Variants in PRDM15 observed in about 807,000 individuals in gnomAD.
The protein encoded by PRDM15 is PR/SET domain 15.
In PRDM15, 64 loss-of-function variants were observed where a neutral mutation model predicts 128.6. The ratio of observed to expected loss-of-function variants is 0.50; its 90% CI spans 0.41 to 0.61. PRDM15 has a LOEUF of 0.61. Among genes scored for constraint, PRDM15 ranks in the 20% least tolerant of loss-of-function variants. The probability of loss-of-function intolerance (pLI) is 0.00; values close to 1 mark genes in which losing one functional copy is unlikely to be tolerated. For synonymous variants in PRDM15, 615 were observed against 621.8 expected, an observed-to-expected ratio of 0.99 and a Z score of 0.16; for missense variants, 1,242 against 1,569.1, an observed-to-expected ratio of 0.79 and a Z score of 3.52.
At chr21:41,825,857 C>G (rs961701372) in intron 13 of PRDM15, 103 bp downstream of exon 13, 1 of 925,432 alleles carries the variant, frequency 1.1e-6, no homozygotes, top group Non-Finnish European at 1.7e-6. Context: ...CGTTACCCCC[C>G]AAATCTTCCC....
intron 16 of PRDM15, among the ~76,000 whole-genome samples, chr21:41,820,603 TG>T (rs1346883494): frequency 5.9e-5 from 9 of 152,156 alleles, no homozygotes; most frequent in African/African-American, 1.4e-4. Flanking sequence ...CCGTGACCCC[TG>T]AGCTCCCGCC....
chr21:41,858,200 A>T (rs1183567318), intron 3 of PRDM15, among the ~76,000 whole-genome samples: 1 of 152,250 alleles, frequency 6.6e-6, no homozygotes, highest in African/African-American at 2.4e-5. Context: ...CTTTAACTGA[A>T]GTAGAAGAAT....
Position 41,804,556 on chromosome 21 carries a change from G to T in PRDM15, c.2711C>A (p.Ala904Asp). The T allele has an allele frequency of 6.4e-7, 1 of 1,570,142 alleles. No individual in the cohort carries two copies. The highest frequency in any genetic ancestry group is 8.6e-7 in the Non-Finnish European group (1 of 1,157,240). The stretch of plus-strand genomic sequence containing the variant: ...CACCTGGACGATGCCAATGGAGGAG[G>T]CGTCGATGGTGGTGGTCTCCGGGAG... ...DHLPETTTIDASSIGIVQPEL... is the reference protein window; with the variant it reads ...DHLPETTTIDDSSIGIVQPEL... The change falls in exon 22 of 24, where the codon GCC (alanine) becomes GAC (aspartate). Residue 904 changes from alanine to aspartate, a missense_variant. Physicochemically the swap from Ala to Asp is moderately radical, Grantham distance 126. This residue lies in a region of PRDM15 where 602 missense variants were observed against 788.3 expected (regional missense o/e 0.76). Coordinates refer to ENST00000398548, the MANE Select transcript of PRDM15 (RefSeq NM_001040424.3).
chr21:41,823,313 G>A lies in PRDM15; in HGVS notation c.1761+5C>T, dbSNP rs897860293. On this transcript the variant is annotated splice_donor_5th_base_variant and intron_variant, in intron 14 of 23. Transcript: ENST00000398548. ...GCCTGGGTGAGGGCAGCACGCGATC[G>A]ACACCTTGAAGTGGACATGGATGTG... 23 of 1,607,536 alleles carry A rather than the reference G, an allele frequency of 1.4e-5. No individual in the cohort carries two copies. The Admixed American group carries it at 1.5e-4, about 11-fold the overall frequency.
chr21:41,810,295 C>G lies in PRDM15; in HGVS notation c.2511G>C (p.Lys837Asn). 1 of 1,613,594 alleles carries G rather than the reference C, an allele frequency of 6.2e-7. No homozygotes were observed. The highest frequency in any genetic ancestry group is 8.5e-7 in the Non-Finnish European group (1 of 1,179,932). Residue 837 changes from lysine to asparagine, a missense_variant, in exon 21 of 24, where the codon AAG becomes AAC. Around this residue, in one of 3 missense-constraint regions of PRDM15, gnomAD observed 602 missense variants for 788.3 expected, o/e 0.76. Coordinates refer to ENST00000398548, the MANE Select transcript of PRDM15 (RefSeq NM_001040424.3). The surrounding 1 kb of genome is among the most constrained non-coding windows in gnomAD (Gnocchi z 6.4). ...GCAGCATGTACTCGGTCACGTACTT[C>G]TTGTCGCACACGGAGCACGTCCACT... ...GKQWTCSVCD[K>N]KYVTEYMLQK...
At chr21:41,849,918 A>G (rs974354299) in intron 5 of PRDM15, among the ~76,000 whole-genome samples, 7 of 152,272 alleles carry the variant, frequency 4.6e-5, no homozygotes, top group African/African-American at 1.2e-4. Flanking sequence ...CCTGGGTGAC[A>G]CAGCAAGACT....
chr21:41,871,383 G>A, intron 1 of PRDM15: 1 of 517,234 alleles, frequency 1.9e-6, no homozygotes, highest in East Asian at 9.3e-5. Flanking sequence ...GCCTCTGCCT[G>A]GGGTCACCCT....
chr21:41,818,157 A>G (rs936583633), intron 18 of PRDM15, among the ~76,000 whole-genome samples: 40 of 152,302 alleles, frequency 2.6e-4, no homozygotes, highest in African/African-American at 9.1e-4. Flanking sequence ...TCTTGGGGGC[A>G]TTGGGGAGGA....
chr21:41,836,242 C>T, intron 9 of PRDM15, 35 bp from the exon 10 acceptor site: 1 of 1,580,214 alleles, frequency 6.3e-7, no homozygotes, highest in Non-Finnish European at 8.7e-7. Context: ...TCATTCACTA[C>T]TTAGAGCATT....
At chr21:41,865,421 G>T (rs2063972328) in intron 1 of PRDM15, among the ~76,000 whole-genome samples, 1 of 152,156 alleles carries the variant, frequency 6.6e-6, no homozygotes, top group Admixed American at 6.5e-5. Flanking sequence ...CTTGCACAGT[G>T]GGATATACTT....
intron 18 of PRDM15, among the ~76,000 whole-genome samples, chr21:41,816,916 G>A (rs541514221): frequency 5.3e-5 from 8 of 151,428 alleles, no homozygotes; most frequent in Non-Finnish European, 8.8e-5. Flanking sequence ...AAAGAGTGCC[G>A]GTCACTGCTG....
Position 41,879,001 on chromosome 21 carries a change from G to T in PRDM15, c.-10+269C>A. The T allele has an allele frequency of 9.9e-7, 1 of 1,009,420 alleles. No individual in the cohort carries two copies. The highest frequency in any genetic ancestry group is 1.2e-6 in the Non-Finnish European group (1 of 837,238). The allele number at this position is 1,009,420 out of a possible 1,614,324, so 62.5% of individuals were successfully genotyped here. ...AGCGCCCGCGGCGGCGGGACCCGGCGGGCGGGCGGCGCGCAGGGCGATCCC... is the reference window on the plus strand; with the variant it reads ...AGCGCCCGCGGCGGCGGGACCCGGCTGGCGGGCGGCGCGCAGGGCGATCCC... On this transcript the variant is annotated intron_variant, in intron 1 of 23. Coordinates refer to ENST00000398548, the MANE Select transcript of PRDM15 (RefSeq NM_001040424.3). The surrounding 1 kb of genome is among the most constrained non-coding windows in gnomAD (Gnocchi z 5.1).
intron 6 of PRDM15, among the ~76,000 whole-genome samples, chr21:41,841,848 A>ATTT (rs1422059354): frequency 6.6e-6 from 1 of 152,176 alleles, no homozygotes; most frequent in Non-Finnish European, 1.5e-5. Context: ...ACAGAGGCAG[A>ATTT]TTTTTCTATT....
intron 18 of PRDM15, among the ~76,000 whole-genome samples, chr21:41,816,914 C>T (rs1408476449): frequency 5.9e-5 from 9 of 151,978 alleles, no homozygotes; most frequent in Non-Finnish European, 1.2e-4. Context: ...AAAAAGAGTG[C>T]CGGTCACTGC....
chr21:41,855,914 C>T (rs2063570552), intron 4 of PRDM15, among the ~76,000 whole-genome samples: 1 of 1,756 alleles, frequency 5.7e-4, no homozygotes, highest in African/African-American at 1.9e-3. Flanking sequence ...TCCTTTCCTT[C>T]CCTCCCTCCC....
At chr21:41,815,866 C>T in intron 18 of PRDM15, 30 bp from the exon 19 acceptor site, 1 of 1,608,540 alleles carries the variant, frequency 6.2e-7, no homozygotes, top group South Asian at 1.1e-5. Flanking sequence ...CAGAGGCGGC[C>T]ACACCCCCAC....
At chr21:41,840,909 C>T (rs2063056566) in intron 6 of PRDM15, among the ~76,000 whole-genome samples, 1 of 151,642 alleles carries the variant, frequency 6.6e-6, no homozygotes, top group African/African-American at 2.4e-5. Flanking sequence ...TCGTATTAAA[C>T]AAAAAATTAG....
intron 4 of PRDM15, among the ~76,000 whole-genome samples, chr21:41,856,766 A>G (rs2063647275): frequency 1.3e-5 from 2 of 152,210 alleles, no homozygotes; most frequent in African/African-American, 4.8e-5. Flanking sequence ...ATCACTGCCT[A>G]AACAAACACC....
chr21:41,799,942 C>T lies in PRDM15; in HGVS notation c.*1298G>A, dbSNP rs1481949168. On this transcript the variant is annotated 3_prime_UTR_variant, in exon 24 of 24. Coordinates refer to ENST00000398548, the MANE Select transcript of PRDM15 (RefSeq NM_001040424.3). ...GCCTCCCCCAACCCTGGCCCCTGCC[C>T]CCGAAACTGGTACACAGACGTGACA... 1 of 152,238 alleles carries T rather than the reference C, an allele frequency of 6.6e-6. No individual in the cohort carries two copies. The highest frequency in any genetic ancestry group is 1.5e-5 in the Non-Finnish European group (1 of 68,064). The allele number at this position is 152,238 out of a possible 1,614,324, so 9.4% of individuals were successfully genotyped here. A position where few individuals can be genotyped will look rare whatever the true frequency, so the allele number is the denominator to read the frequency against.
Sources: gnomAD v4.1 joint callset for allele counts (sites outside exome capture counted in the v4.1 genomes callset) on GRCh38, gnomAD v4.1.1 for gene constraint, gnomAD v4.1.1 regional missense constraint, Gnocchi (gnomAD v3.1) non-coding constraint, MANE v1.5 for transcripts, NCBI Gene and HGNC (gene_info 2026-07-23, HGNC 2026-07-21) for gene names.